Variants in C1QTNF7 observed in about 807,000 individuals in gnomAD.
C1QTNF7 encodes the protein complement C1q tumor necrosis factor-related protein 7.
A neutral mutation model predicts 19.6 loss-of-function variants in C1QTNF7; 15 were observed. That is an observed-to-expected ratio of 0.76 (90% CI 0.51 to 1.18). C1QTNF7 has a LOEUF of 1.18. Ranked by LOEUF, C1QTNF7 falls within the 50% of genes most tolerant of loss-of-function variation. The pLI is 0.00. For synonymous variants in C1QTNF7, 142 were observed against 137.5 expected (o/e 1.03, Z -0.23); for missense variants, 324 against 359.7 (o/e 0.90, Z 0.80).
chr4:15,419,691 C>T (rs1711649279), intron 1 of C1QTNF7, among the ~76,000 whole-genome samples: 1 of 151,984 alleles, frequency 6.6e-6, no homozygotes, highest in African/African-American at 2.4e-5. Context: ...CAAATAGTTC[C>T]ATAGGACAAG....
At chr4:15,424,862 C>T (rs941747065), upstream of C1QTNF7, among the ~76,000 whole-genome samples, 1 of 152,156 alleles carries the variant, frequency 6.6e-6, no homozygotes, top group Non-Finnish European at 1.5e-5. Context: ...TTTGTGTTCT[C>T]AGCTGAAATT....
chr4:15,429,215 T>A (rs551966751), intron 1 of C1QTNF7, among the ~76,000 whole-genome samples: 16 of 152,352 alleles, frequency 1.1e-4, no homozygotes, highest in Non-Finnish European at 1.3e-4. Flanking sequence ...TCAGTTTTTT[T>A]AATTATGGTA....
At chr4:15,416,360 C>G (rs563346188) in intron 1 of C1QTNF7, among the ~76,000 whole-genome samples, 1 of 152,332 alleles carries the variant, frequency 6.6e-6, no homozygotes, top group South Asian at 2.1e-4. Flanking sequence ...ACTGGGCAGA[C>G]AGGGTTGGAA....
chr4:15,378,196 G>A (rs1217641329), intron 1 of C1QTNF7, among the ~76,000 whole-genome samples: 1 of 152,170 alleles, frequency 6.6e-6, no homozygotes, highest in Non-Finnish European at 1.5e-5. Context: ...GCTCAAAGCT[G>A]AATCATAAGA....
upstream of C1QTNF7, chr4:15,339,792 T>A: frequency 4.3e-6 from 1 of 230,922 alleles, no homozygotes; most frequent in Non-Finnish European, 8.5e-6. Flanking sequence ...ACTCCTGCTT[T>A]TCATTTGCCT....
chr4:15,390,737 C>T (rs564108708), intron 1 of C1QTNF7, among the ~76,000 whole-genome samples: 2 of 152,296 alleles, frequency 1.3e-5, no homozygotes, highest in East Asian at 3.9e-4. Flanking sequence ...TTATTCCAGA[C>T]TTCCCTGAAC....
chr4:15,394,055 G>C (rs1382662556), intron 1 of C1QTNF7, among the ~76,000 whole-genome samples: 2 of 152,228 alleles, frequency 1.3e-5, no homozygotes, highest in African/African-American at 4.8e-5. Flanking sequence ...GATACATGAA[G>C]TTTGAGCAGA....
At chr4:15,340,741 T>C (rs1386899642) in intron 1 of C1QTNF7, among the ~76,000 whole-genome samples, 1 of 152,198 alleles carries the variant, frequency 6.6e-6, no homozygotes, top group African/African-American at 2.4e-5. Context: ...GTCTTTTCCC[T>C]TGTAATTGAC....
intron 1 of C1QTNF7, among the ~76,000 whole-genome samples, chr4:15,402,984 G>GTT (rs5856299): frequency 0.015 from 2,147 of 144,530 alleles, 45 homozygotes; most frequent in African/African-American, 0.05. Flanking sequence ...GCTTTTTTCT[G>GTT]TTTTTTTTTT....
chr4:15,385,090 C>T (rs974559533), intron 1 of C1QTNF7, among the ~76,000 whole-genome samples: 7 of 152,204 alleles, frequency 4.6e-5, no homozygotes, highest in Non-Finnish European at 1.0e-4. Flanking sequence ...TAAATAAGTA[C>T]TGGTCTCTTT....
chr4:15,370,083 A>T (rs1717665536), intron 1 of C1QTNF7, among the ~76,000 whole-genome samples: 1 of 152,158 alleles, frequency 6.6e-6, no homozygotes, highest in African/African-American at 2.4e-5. Context: ...ATACTATTGT[A>T]CTCATGTCGA....
At chr4:15,341,366 T>C (rs995965696) in intron 1 of C1QTNF7, among the ~76,000 whole-genome samples, 1 of 152,194 alleles carries the variant, frequency 6.6e-6, no homozygotes, top group African/African-American at 2.4e-5. Context: ...CTATACCAGT[T>C]CTTTCTCTGT....
At chr4:15,408,725 ACTATCTC>A (rs1719295633) in intron 1 of C1QTNF7, among the ~76,000 whole-genome samples, 1 of 152,126 alleles carries the variant, frequency 6.6e-6, no homozygotes, top group Non-Finnish European at 1.5e-5. Context: ...GTCCAATCAG[ACTATCTC>A]ATAGTCTGAA....
intron 1 of C1QTNF7, among the ~76,000 whole-genome samples, chr4:15,414,909 C>T (rs1186990462): frequency 6.6e-6 from 1 of 152,142 alleles, no homozygotes; most frequent in Non-Finnish European, 1.5e-5. Context: ...AAGATGCCTT[C>T]CTTACTCCAA....
intron 1 of C1QTNF7, among the ~76,000 whole-genome samples, chr4:15,340,606 T>A (rs1716505414): frequency 6.6e-6 from 1 of 152,192 alleles, no homozygotes; most frequent in Non-Finnish European, 1.5e-5. Flanking sequence ...ATTCTTCTAT[T>A]AACTTGGAAA....
At chr4:15,424,808 GTTC>G (rs1400339292), upstream of C1QTNF7, among the ~76,000 whole-genome samples, 27 of 152,300 alleles carry the variant, frequency 1.8e-4, no homozygotes, top group African/African-American at 6.5e-4. Flanking sequence ...ATTTTAACAA[GTTC>G]TAAGTCGATG....
At chr4:15,378,437 A>T (rs1718024292) in intron 1 of C1QTNF7, among the ~76,000 whole-genome samples, 1 of 152,230 alleles carries the variant, frequency 6.6e-6, no homozygotes, top group African/African-American at 2.4e-5. Flanking sequence ...GAAAGAAAAA[A>T]ATCTCTGAAC....
At chr4:15,431,101 GAT>G (rs1712289251) in intron 1 of C1QTNF7, among the ~76,000 whole-genome samples, 1 of 149,406 alleles carries the variant, frequency 6.7e-6, no homozygotes, top group Non-Finnish European at 1.5e-5. Context: ...TAGATAGATA[GAT>G]AGATTCATTG....
intron 1 of C1QTNF7, among the ~76,000 whole-genome samples, chr4:15,420,592 T>C (rs1711701980): frequency 6.6e-6 from 1 of 152,224 alleles, no homozygotes; most frequent in Non-Finnish European, 1.5e-5. Flanking sequence ...ACAACCTTAC[T>C]TCATTTGGAT....
Sources: allele counts gnomAD v4.1 joint callset (sites outside exome capture counted in the v4.1 genomes callset), GRCh38; gene constraint gnomAD v4.1.1; transcripts MANE v1.5; gene names NCBI Gene and HGNC (gene_info 2026-07-23, HGNC 2026-07-21).